Variants in RCAN2 observed in about 807,000 individuals in gnomAD.
RCAN2 encodes regulator of calcineurin 2.
RCAN2 carries 9 observed loss-of-function variants against 23.6 expected under a neutral mutation model. The observed-to-expected ratio is 0.38, with a 90% CI of 0.23 to 0.67. RCAN2 has a LOEUF of 0.67. Ranked by LOEUF, RCAN2 falls within the 30% of genes least tolerant of loss-of-function variation. The probability of loss-of-function intolerance (pLI) is 0.51; values close to 1 mark genes in which losing one functional copy is unlikely to be tolerated. For missense variants in RCAN2, 273 were observed against 302.3 expected (o/e 0.90, Z 0.72); for synonymous variants, 109 against 115.7 (o/e 0.94, Z 0.37).
At chr6:46,415,386 T>C (rs1766679100) in intron 2 of RCAN2, among the ~76,000 whole-genome samples, 2 of 151,926 alleles carry the variant, frequency 1.3e-5, no homozygotes, top group Non-Finnish European at 2.9e-5. Flanking sequence ...ATAAATGAGA[T>C]AAGGAAAACA....
chr6:46,254,915 G>A (rs1766853962), intron 2 of RCAN2, among the ~76,000 whole-genome samples: 1 of 152,184 alleles, frequency 6.6e-6, no homozygotes, highest in African/African-American at 2.4e-5. Context: ...GCCAAGGAAT[G>A]CTAAATATTG....
At chr6:46,253,059 C>T in intron 2 of RCAN2, among the ~76,000 whole-genome samples, 1 of 152,274 alleles carries the variant, frequency 6.6e-6, no homozygotes, top group Middle Eastern at 3.4e-3. Context: ...GTACATTAAT[C>T]ATTTAGACAA....
At chr6:46,390,287 TC>T (rs1260397574) in intron 2 of RCAN2, among the ~76,000 whole-genome samples, 2 of 152,128 alleles carry the variant, frequency 1.3e-5, no homozygotes, top group African/African-American at 4.8e-5. Flanking sequence ...TGTTCCAAGT[TC>T]CCCCTGACAA....
intron 4 of RCAN2, among the ~76,000 whole-genome samples, chr6:46,230,022 T>C (rs946898064): frequency 3.3e-5 from 5 of 152,244 alleles, no homozygotes; most frequent in Admixed American, 6.5e-5. Context: ...TGCAGGTCTG[T>C]TGGAGTTTGC....
At chr6:46,455,017 A>C (rs1189848561) in intron 2 of RCAN2, among the ~76,000 whole-genome samples, 1 of 152,234 alleles carries the variant, frequency 6.6e-6, no homozygotes, top group Non-Finnish European at 1.5e-5. Context: ...TAAATCTCTA[A>C]GGAAAATCCT....
At chr6:46,422,896 TA>T (rs1561899652) in intron 2 of RCAN2, among the ~76,000 whole-genome samples, 1 of 152,126 alleles carries the variant, frequency 6.6e-6, no homozygotes. Context: ...GTGAAGAGAA[TA>T]AACAAAGCTC....
At chr6:46,410,168 C>T (rs746858552) in intron 2 of RCAN2, among the ~76,000 whole-genome samples, 2 of 152,152 alleles carry the variant, frequency 1.3e-5, no homozygotes, top group Admixed American at 6.5e-5. Flanking sequence ...TGGGCTTAGA[C>T]TAAAAGTTAT....
At chr6:46,272,830 T>C (rs189022784) in intron 2 of RCAN2, among the ~76,000 whole-genome samples, 1 of 152,356 alleles carries the variant, frequency 6.6e-6, no homozygotes, top group African/African-American at 2.4e-5. Flanking sequence ...AGATACTTTG[T>C]TGTAAAAGTA....
intron 2 of RCAN2, among the ~76,000 whole-genome samples, chr6:46,448,123 CAAAT>C (rs941818771): frequency 6.6e-6 from 1 of 151,480 alleles, no homozygotes. Flanking sequence ...TGAGAAGACT[CAAAT>C]AAAATCAGAA....
chr6:46,303,159 T>C (rs1016920307), intron 2 of RCAN2, among the ~76,000 whole-genome samples: 1 of 151,950 alleles, frequency 6.6e-6, no homozygotes, highest in Non-Finnish European at 1.5e-5. Context: ...CTAAATAGAA[T>C]GTGAGAGTTT....
intron 4 of RCAN2, among the ~76,000 whole-genome samples, chr6:46,233,723 T>G (rs1403932512): frequency 7.2e-6 from 1 of 139,582 alleles, no homozygotes; most frequent in Non-Finnish European, 1.6e-5. Flanking sequence ...GAACACTTCT[T>G]TTTTTTTTTT....
intron 2 of RCAN2, among the ~76,000 whole-genome samples, chr6:46,386,860 G>A (rs1765771613): frequency 6.6e-6 from 1 of 152,006 alleles, no homozygotes; most frequent in Admixed American, 6.6e-5. Context: ...TATACTACAA[G>A]GCCACAGTAA....
chr6:46,368,521 C>A (rs1765237967), intron 2 of RCAN2, among the ~76,000 whole-genome samples: 1 of 152,108 alleles, frequency 6.6e-6, no homozygotes, highest in African/African-American at 2.4e-5. Context: ...CTTACACAAA[C>A]CTAGATGGTA....
intron 2 of RCAN2, among the ~76,000 whole-genome samples, chr6:46,252,054 T>A (rs1018846177): frequency 6.6e-5 from 10 of 152,142 alleles, no homozygotes; most frequent in African/African-American, 2.2e-4. Flanking sequence ...GGACCTTTAT[T>A]TGTAGGGGTG....
At chr6:46,227,570 C>T (rs374415150) in intron 4 of RCAN2, among the ~76,000 whole-genome samples, 10 of 136,228 alleles carry the variant, frequency 7.3e-5, no homozygotes, top group South Asian at 5.1e-4. Context: ...AGTTTATTTG[C>T]GTAGAGTGTT....
At chr6:46,392,130 C>T (rs1765954508) in intron 2 of RCAN2, among the ~76,000 whole-genome samples, 1 of 152,122 alleles carries the variant, frequency 6.6e-6, no homozygotes, top group Non-Finnish European at 1.5e-5. Context: ...TAAAAATGTA[C>T]ATGTAAGCCA....
At chr6:46,463,068 G>T (rs972021189) in intron 1 of RCAN2, among the ~76,000 whole-genome samples, 8 of 152,166 alleles carry the variant, frequency 5.3e-5, no homozygotes, top group Non-Finnish European at 1.2e-4. Flanking sequence ...TCAGTCAGTA[G>T]CGTGATGTGT....
intron 2 of RCAN2, among the ~76,000 whole-genome samples, chr6:46,293,311 A>T (rs1264215918): frequency 1.3e-5 from 2 of 152,168 alleles, no homozygotes; most frequent in African/African-American, 4.8e-5. Context: ...ATGATAACTG[A>T]CCTTATGAAT....
intron 4 of RCAN2, among the ~76,000 whole-genome samples, chr6:46,228,244 A>G (rs561801356): frequency 2.6e-5 from 4 of 152,204 alleles, no homozygotes; most frequent in Non-Finnish European, 5.9e-5. Flanking sequence ...AGAAGAATGT[A>G]TATTCTGTTG....
Sources: gnomAD v4.1 joint callset for allele counts (sites outside exome capture counted in the v4.1 genomes callset) on GRCh38, gnomAD v4.1.1 for gene constraint, MANE v1.5 for transcripts, NCBI Gene and HGNC (gene_info 2026-07-23, HGNC 2026-07-21) for gene names.